FOXP1: variants seen among roughly 807,000 people sequenced by gnomAD.
FOXP1 encodes the protein forkhead box P1.
A neutral mutation model predicts 98.2 loss-of-function variants in FOXP1; 15 were observed. The ratio of observed to expected loss-of-function variants is 0.15; its 90% CI spans 0.10 to 0.24. The LOEUF is 0.24. Among genes scored for constraint, FOXP1 ranks in the 10% least tolerant of loss-of-function variants. The pLI is 1.00. For missense variants in FOXP1, 633 were observed against 848.5 expected, an observed-to-expected ratio of 0.75 and a Z score of 3.15; for synonymous variants, 371 against 314.5, an observed-to-expected ratio of 1.18 and a Z score of -1.90.
chr3:71,033,310 C>A (rs767474192), intron 11 of FOXP1, among the ~76,000 whole-genome samples: 16 of 152,096 alleles, frequency 1.1e-4, no homozygotes, highest in Non-Finnish European at 1.9e-4. Context: ...AAATCTGGCA[C>A]ATTAGACACG....
chr3:71,091,527 C>CAAACA (rs1559910000), intron 7 of FOXP1, among the ~76,000 whole-genome samples: 4 of 146,004 alleles, frequency 2.7e-5, no homozygotes, highest in African/African-American at 1.0e-4. Flanking sequence ...AACAAACAAA[C>CAAACA]AAAAAAAAAA....
At chr3:71,446,064 AGTGAGTGAGTGAGTGAG>A (rs1560498851) in intron 3 of FOXP1, among the ~76,000 whole-genome samples, 1 of 151,902 alleles carries the variant, frequency 6.6e-6, no homozygotes, top group African/African-American at 2.4e-5. Flanking sequence ...TGAGTGAGTG[AGTGAGTGAGTGAGTGAG>A]TGAATGAATT....
intron 2 of FOXP1, among the ~76,000 whole-genome samples, chr3:71,503,089 A>G (rs2041528026): frequency 6.6e-6 from 1 of 152,164 alleles, no homozygotes; most frequent in South Asian, 2.1e-4. Flanking sequence ...AAAAAGGAAC[A>G]TATCTCTTGA....
At chr3:71,367,469 G>A (rs1192915279) in intron 3 of FOXP1, among the ~76,000 whole-genome samples, 1 of 152,042 alleles carries the variant, frequency 6.6e-6, no homozygotes, top group Non-Finnish European at 1.5e-5. Flanking sequence ...CTGGCCTCCC[G>A]CTTAACTACG....
intron 6 of FOXP1, among the ~76,000 whole-genome samples, chr3:71,153,319 C>T (rs976952539): frequency 6.6e-6 from 1 of 152,110 alleles, no homozygotes; most frequent in Admixed American, 6.6e-5. Context: ...GCTGTCGCTG[C>T]CAAGTTTTAT....
intron 5 of FOXP1, among the ~76,000 whole-genome samples, chr3:71,289,310 A>G (rs2072505570): frequency 6.6e-6 from 1 of 151,952 alleles, no homozygotes; most frequent in Non-Finnish European, 1.5e-5. Flanking sequence ...AAGTGCTGGT[A>G]TTACAGTCAT....
intron 5 of FOXP1, among the ~76,000 whole-genome samples, chr3:71,228,413 A>C (rs975958134): frequency 6.6e-6 from 1 of 152,122 alleles, no homozygotes; most frequent in Non-Finnish European, 1.5e-5. Context: ...AGTTACAATG[A>C]AGGTAAAGGG....
intron 14 of FOXP1, among the ~76,000 whole-genome samples, chr3:70,982,015 T>G (rs1033043484): frequency 6.6e-6 from 1 of 152,182 alleles, no homozygotes; most frequent in Non-Finnish European, 1.5e-5. Context: ...ACTTTTAAAC[T>G]TCTGTTTGAT....
chr3:70,992,165 A>T (rs557605998), intron 13 of FOXP1, among the ~76,000 whole-genome samples: 1 of 152,326 alleles, frequency 6.6e-6, no homozygotes, highest in African/African-American at 2.4e-5. Flanking sequence ...GCTTGGAAGT[A>T]GGTATTTTTA....
intron 4 of FOXP1, among the ~76,000 whole-genome samples, chr3:71,302,122 T>C (rs2073897262): frequency 6.6e-6 from 1 of 152,254 alleles, no homozygotes; most frequent in African/African-American, 2.4e-5. Flanking sequence ...TTTATTTCTG[T>C]TGATTTTCAT....
chr3:71,366,404 T>C (rs1466151374), intron 3 of FOXP1, among the ~76,000 whole-genome samples: 1 of 152,206 alleles, frequency 6.6e-6, no homozygotes, highest in Non-Finnish European at 1.5e-5. Context: ...GTGCAAATGC[T>C]TGTTAATGTG....
intron 6 of FOXP1, among the ~76,000 whole-genome samples, chr3:71,154,571 TCTC>T (rs1353854166): frequency 1.3e-4 from 20 of 152,218 alleles, no homozygotes; most frequent in South Asian, 4.1e-4. Flanking sequence ...GGTTCCGTCT[TCTC>T]CTCACTGGTG....
At chr3:71,028,761 A>AAT (rs1194929851) in intron 11 of FOXP1, among the ~76,000 whole-genome samples, 1 of 152,234 alleles carries the variant, frequency 6.6e-6, no homozygotes, top group Admixed American at 6.5e-5. Context: ...CCTAACGTAG[A>AAT]ATCAGTTGGG....
rs375593825 is a variant in FOXP1, at chr3:71,514,653, T to A, written c.-297-21098A>T. ...TCTCCCCCCTGTTGGGAAGGGTATG[T>A]TCTCTTCACCTCCTTTTTTCTCCTT... On this transcript the variant is annotated intron_variant, in intron 2 of 20. Transcript: ENST00000649528. Among the ~76,000 whole-genome samples the A allele has an allele frequency of 9.2e-5, 14 of 152,350 alleles. No homozygotes were observed. The East Asian group carries it at 2.1e-3, about 23-fold the overall frequency.
chr3:71,324,926 A>G (rs1167033300), intron 4 of FOXP1, among the ~76,000 whole-genome samples: 1 of 152,210 alleles, frequency 6.6e-6, no homozygotes, highest in Non-Finnish European at 1.5e-5. Flanking sequence ...GCCATGCCCC[A>G]GCTAAGGGGG....
chr3:71,501,192 A>G (rs1385654507), intron 2 of FOXP1, among the ~76,000 whole-genome samples: 1 of 152,156 alleles, frequency 6.6e-6, no homozygotes, highest in African/African-American at 2.4e-5. Flanking sequence ...GTCTCTAAAT[A>G]AATAAATAAA....
At chr3:71,164,646 A>AT (rs1370402705) in intron 6 of FOXP1, among the ~76,000 whole-genome samples, 1 of 152,222 alleles carries the variant, frequency 6.6e-6, no homozygotes, top group African/African-American at 2.4e-5. Flanking sequence ...TATTCACAAA[A>AT]GGGGAAAGAT....
chr3:70,996,048 G>A (rs772536150), intron 13 of FOXP1, among the ~76,000 whole-genome samples: 3 of 152,098 alleles, frequency 2.0e-5, no homozygotes, highest in African/African-American at 4.8e-5. Context: ...ATGCAATGGC[G>A]CAATCTCGGG....
chr3:70,992,912 C>T (rs1002455765), intron 13 of FOXP1, among the ~76,000 whole-genome samples: 1 of 152,144 alleles, frequency 6.6e-6, no homozygotes, highest in African/African-American at 2.4e-5. Flanking sequence ...GCTGTTAGGA[C>T]CTCTCTTTCC....
Sources: gnomAD v4.1 joint callset for allele counts (sites outside exome capture counted in the v4.1 genomes callset) on GRCh38, gnomAD v4.1.1 for gene constraint, MANE v1.5 for transcripts, NCBI Gene and HGNC (gene_info 2026-07-23, HGNC 2026-07-21) for gene names.